Variants in STK39 observed in about 807,000 individuals in gnomAD.
The protein encoded by STK39 is serine/threonine kinase 39.
Under a neutral mutation model 77.8 loss-of-function variants are expected in STK39, and 20 were observed. That is an observed-to-expected ratio of 0.26 (90% CI 0.18 to 0.37). The LOEUF (loss-of-function observed/expected upper bound fraction) is 0.37, where lower values mean the gene tolerates loss of function less well. STK39 is among the 10% of genes least tolerant of loss of function. STK39 has a pLI of 1.00. For synonymous variants in STK39, 246 were observed against 234.1 expected (o/e 1.05, Z -0.47); for missense variants, 479 against 656.5 (o/e 0.73, Z 2.95).
At chr2:168,102,927 C>A in intron 10 of STK39, among the ~76,000 whole-genome samples, 1 of 75,488 alleles carries the variant, frequency 1.3e-5, no homozygotes, top group Non-Finnish European at 2.3e-5. Flanking sequence ...GAGAATCCGT[C>A]TCAAAAAAAA....
chr2:168,225,187 G>C (rs1468467876), intron 1 of STK39, among the ~76,000 whole-genome samples: 7 of 152,036 alleles, frequency 4.6e-5, no homozygotes, highest in African/African-American at 1.7e-4. Context: ...ATCTTCCAGG[G>C]GATATTAACA....
At chr2:168,060,352 G>A (rs771172578) in intron 14 of STK39, among the ~76,000 whole-genome samples, 12 of 152,176 alleles carry the variant, frequency 7.9e-5, no homozygotes, top group Non-Finnish European at 1.5e-4. Context: ...AGGTAATTAT[G>A]TTTAGGTGAG....
intron 5 of STK39, among the ~76,000 whole-genome samples, chr2:168,155,843 T>C (rs574558288): frequency 3.3e-5 from 5 of 152,384 alleles, no homozygotes; most frequent in Admixed American, 2.0e-4. Context: ...CTCTCAGCTA[T>C]GCCTTACATC....
At chr2:168,090,056 C>A (rs1686475348) in intron 10 of STK39, among the ~76,000 whole-genome samples, 1 of 152,176 alleles carries the variant, frequency 6.6e-6, no homozygotes, top group South Asian at 2.1e-4. Flanking sequence ...CCATTCCTCT[C>A]CGAGGTAGCT....
chr2:168,043,119 CCTGA>C (rs1488904599), intron 14 of STK39, among the ~76,000 whole-genome samples: 5 of 152,192 alleles, frequency 3.3e-5, no homozygotes, highest in African/African-American at 9.6e-5. Flanking sequence ...TCTTCAACTA[CCTGA>C]CTGACGGCTA....
In STK39 at chr2:168,157,506, C is replaced by T. The variant is rs188543971; in HGVS notation, c.628+4281G>A. On this transcript the variant is annotated intron_variant, in intron 5 of 17. Coordinates refer to ENST00000355999, the MANE Select transcript of STK39 (RefSeq NM_013233.3). ...CAAAATCTTATTTATCACAGTTCTGCAGGCTGGGAAGTCCAAGATTATGGC... is the reference window on the plus strand; with the variant it reads ...CAAAATCTTATTTATCACAGTTCTGTAGGCTGGGAAGTCCAAGATTATGGC... Among the ~76,000 whole-genome samples, 7 of 152,222 alleles carry T rather than the reference C, an allele frequency of 4.6e-5. No individual in the cohort carries two copies. The East Asian group carries it at 1.4e-3, about 29-fold the overall frequency.
chr2:168,168,223 T>C (rs977795768), intron 2 of STK39, among the ~76,000 whole-genome samples: 8 of 152,110 alleles, frequency 5.3e-5, no homozygotes, highest in African/African-American at 1.9e-4. Flanking sequence ...TATAAAGACA[T>C]AAAACAACAA....
chr2:168,065,227 AC>A (rs1685762807), intron 13 of STK39, 91 bp downstream of exon 13: 5 of 1,368,864 alleles, frequency 3.7e-6, no homozygotes, highest in Admixed American at 1.7e-5. Flanking sequence ...TGGAGGCACT[AC>A]CTTGAAATTG....
At chr2:168,215,471 G>A (rs1451379183) in intron 1 of STK39, among the ~76,000 whole-genome samples, 1 of 152,208 alleles carries the variant, frequency 6.6e-6, no homozygotes, top group East Asian at 1.9e-4. Flanking sequence ...CAATAAATAA[G>A]TTCATGAAGC....
rs979829425 is a variant in STK39 at position 168,213,808 on chromosome 2, A to T, written c.209-31718T>A. On this transcript the variant is annotated intron_variant, in intron 1 of 17. Transcript: ENST00000355999. ...TTTAGCTTATTTTCCTTGCTTGCTC[A>T]TATTTCTATAATGAATATATATGAC... 2.0e-5 allele frequency among the ~76,000 whole-genome samples: 3 copies of T among 152,088 alleles called. No individual in the cohort carries two copies. The South Asian group carries it at 6.2e-4, about 31-fold the overall frequency.
At chr2:167,974,044 T>A (rs1484709877) in intron 16 of STK39, among the ~76,000 whole-genome samples, 1 of 152,170 alleles carries the variant, frequency 6.6e-6, no homozygotes, top group Non-Finnish European at 1.5e-5. Flanking sequence ...GGGGTGGACA[T>A]TAATAATACA....
intron 1 of STK39, among the ~76,000 whole-genome samples, chr2:168,218,602 A>G (rs1298883240): frequency 6.6e-6 from 1 of 152,214 alleles, no homozygotes; most frequent in African/African-American, 2.4e-5. Context: ...ATTTTGTCTG[A>G]GTAAAAAGGC....
Position 168,017,416 on chromosome 2 carries a change from C to T in STK39, c.1377-321G>A, listed in dbSNP as rs556112274. Among the ~76,000 whole-genome samples, 213 of 116,988 alleles carry T rather than the reference C, an allele frequency of 1.8e-3. 1 individual carries two copies. Among genetic ancestry groups the T allele is most frequent in the Non-Finnish European group, 2.3e-3 (136 of 59,988 alleles). The allele number at this position is 116,988 out of a possible 152,430, so 76.7% of individuals were successfully genotyped here. On this transcript the variant is annotated intron_variant, in intron 14 of 17. Transcript: ENST00000355999. ...TTTTTTTTTTTGAGACAGAGTTTCG[C>T]TCTTGTTGTCCAGGCTGGAGTGCGA...
intron 1 of STK39, among the ~76,000 whole-genome samples, chr2:168,205,490 A>G (rs573532795): frequency 1.2e-4 from 19 of 152,264 alleles, no homozygotes; most frequent in Non-Finnish European, 1.5e-4. Context: ...AGCCAAATCT[A>G]AATTACTTGC....
intron 10 of STK39, among the ~76,000 whole-genome samples, chr2:168,107,904 C>T (rs574127509): frequency 6.6e-6 from 1 of 152,332 alleles, no homozygotes; most frequent in East Asian, 1.9e-4. Flanking sequence ...CACCTGCTTT[C>T]GCATCACTAA....
chr2:168,132,472 G>A (rs1488405528), intron 8 of STK39, among the ~76,000 whole-genome samples: 1 of 152,012 alleles, frequency 6.6e-6, no homozygotes, highest in Non-Finnish European at 1.5e-5. Flanking sequence ...AAGTATTCTA[G>A]GCCCTGACTC....
At chr2:167,990,432 C>T (rs1683672566) in intron 16 of STK39, among the ~76,000 whole-genome samples, 1 of 152,138 alleles carries the variant, frequency 6.6e-6, no homozygotes, top group African/African-American at 2.4e-5. Context: ...TGAAATTTGG[C>T]ACTGTTCTGA....
intron 10 of STK39, among the ~76,000 whole-genome samples, chr2:168,108,074 A>C (rs924090825): frequency 6.6e-5 from 10 of 152,202 alleles, no homozygotes; most frequent in Non-Finnish European, 1.3e-4. Flanking sequence ...GACATTCTAA[A>C]TTGTATACTG....
rs74877263 is a variant in STK39, at chr2:167,965,041, C to T, written c.1499-315G>A. Reference sequence around the variant, plus strand: ...ATAGCAGCCCCCAGTGTTTCCGCCACTTGGCTTCTCTAAATATTCATTACT... The same window carrying T: ...ATAGCAGCCCCCAGTGTTTCCGCCATTTGGCTTCTCTAAATATTCATTACT... On this transcript the variant is annotated intron_variant, in intron 16 of 17. Coordinates refer to ENST00000355999, the MANE Select transcript of STK39 (RefSeq NM_013233.3). Among the ~76,000 whole-genome samples the T allele has an allele frequency of 3.3e-3, 501 of 152,036 alleles. 4 individuals are homozygous for T. The highest frequency in any genetic ancestry group is 6.5e-3 in the Admixed American group (99 of 15,270).
Sources: allele counts gnomAD v4.1 joint callset (sites outside exome capture counted in the v4.1 genomes callset), GRCh38; gene constraint gnomAD v4.1.1; transcripts MANE v1.5; gene names NCBI Gene and HGNC (gene_info 2026-07-23, HGNC 2026-07-21).